MEGF10: variants seen among roughly 807,000 people sequenced by gnomAD.
The protein encoded by MEGF10 is multiple epidermal growth factor-like domains protein 10.
Under a neutral mutation model 147.5 loss-of-function variants are expected in MEGF10, and 86 were observed. The ratio of observed to expected loss-of-function variants is 0.58; its 90% CI spans 0.49 to 0.70. The LOEUF (loss-of-function observed/expected upper bound fraction) is 0.70. MEGF10 is among the 30% of genes least tolerant of loss of function. The pLI is 0.00. For missense variants in MEGF10, 1,329 were observed against 1,487.3 expected (o/e 0.89, Z 1.75); for synonymous variants, 478 against 525.5 (o/e 0.91, Z 1.24).
At chr5:127,389,013 G>A (rs187002342) in intron 5 of MEGF10, among the ~76,000 whole-genome samples, 1 of 152,108 alleles carries the variant, frequency 6.6e-6, no homozygotes, top group African/African-American at 2.4e-5. Context: ...TATTAGATGA[G>A]AAATATAATG....
chr5:127,446,966 A>G (rs941470686), intron 20 of MEGF10, among the ~76,000 whole-genome samples: 1 of 152,144 alleles, frequency 6.6e-6, no homozygotes, highest in Non-Finnish European at 1.5e-5. Flanking sequence ...TCGATTTTAA[A>G]TTTAGGCCTA....
intron 8 of MEGF10, 88 bp downstream of exon 8, chr5:127,402,770 T>A: frequency 7.5e-7 from 1 of 1,329,060 alleles, no homozygotes; most frequent in African/African-American, 1.5e-5. Context: ...CAATACCATG[T>A]GTCCATGACT....
the MEGF10 span, among the ~76,000 whole-genome samples, chr5:127,247,294 G>A: frequency 9.4e-6 from 1 of 106,112 alleles, no homozygotes; most frequent in African/African-American, 3.3e-5. Flanking sequence ...TGGGGGGTGG[G>A]GGAGAGAGAG....
In MEGF10 at chr5:127,413,780, C is replaced by A. The variant is rs141651686; in HGVS notation, c.1130+3179C>A. Among the ~76,000 whole-genome samples the A allele has an allele frequency of 6.6e-5, 10 of 152,300 alleles. No individual in the cohort carries two copies. The East Asian group carries it at 1.9e-3, about 29-fold the overall frequency. On this transcript the variant is annotated intron_variant, in intron 9 of 24. Coordinates refer to ENST00000503335, the MANE Select transcript of MEGF10 (RefSeq NM_001256545.2). ...TCCAAAGTGCTCTAGCTTCCTACAT[C>A]TAATTATAAATTGCAGAATACTAAT...
intron 6 of MEGF10, 122 bp from the exon 7 acceptor site, chr5:127,398,554 A>G: frequency 8.9e-7 from 1 of 1,129,764 alleles, no homozygotes; most frequent in Non-Finnish European, 1.3e-6. Context: ...GATGTTAATT[A>G]ATTAAATGAA....
intron 4 of MEGF10, among the ~76,000 whole-genome samples, chr5:127,357,573 A>G (rs246892): frequency 0.6 from 89,821 of 149,728 alleles, 27,196 homozygotes; most frequent in Middle Eastern, 0.76. Context: ...AGGTGACAGA[A>G]CAAGACCCTG....
At chr5:127,298,846 G>T (rs1219991376) in intron 1 of MEGF10, among the ~76,000 whole-genome samples, 1 of 152,146 alleles carries the variant, frequency 6.6e-6, no homozygotes, top group Non-Finnish European at 1.5e-5. Context: ...GTGCCATTCT[G>T]CTGCGGCCAG....
chr5:127,443,320 A>T (rs1765826566), intron 19 of MEGF10, among the ~76,000 whole-genome samples, 194 bp downstream of exon 19: 1 of 152,244 alleles, frequency 6.6e-6, no homozygotes, highest in African/African-American at 2.4e-5. Context: ...ACAAAAGCTT[A>T]GAGAGGCTGA....
upstream of MEGF10, among the ~76,000 whole-genome samples, chr5:127,290,029 T>A (rs1333421842): frequency 6.6e-6 from 1 of 152,196 alleles, no homozygotes; most frequent in Non-Finnish European, 1.5e-5. Context: ...ATGTCCTGTC[T>A]AACCCACAAA....
At chr5:127,387,986 C>G (rs1763497467) in intron 5 of MEGF10, among the ~76,000 whole-genome samples, 1 of 152,102 alleles carries the variant, frequency 6.6e-6, no homozygotes, top group Non-Finnish European at 1.5e-5. Flanking sequence ...TTATAGCGCT[C>G]TACACTCACA....
chr5:127,443,005 T>C lies in MEGF10; in HGVS notation c.2370T>C (p.Pro790=), dbSNP rs759963222. ...FMGRHCEQKC[P]SGTYGYGCRQ... ...TTGACTTTCCTTCTCTAGAGTGCCCTTCAGGAACATATGGCTATGGCTGTC... is the reference window on the plus strand; with the variant it reads ...TTGACTTTCCTTCTCTAGAGTGCCCCTCAGGAACATATGGCTATGGCTGTC... The change falls in exon 19 of 25, where the codon CCT becomes CCC. Residue 790 remains proline, a synonymous_variant. Transcript: ENST00000503335. The C allele has an allele frequency of 1.2e-6, 2 of 1,612,362 alleles. No homozygotes were observed. The highest frequency in any genetic ancestry group is 2.2e-5 in the South Asian group (2 of 90,686).
intron 1 of MEGF10, among the ~76,000 whole-genome samples, chr5:127,325,459 A>G (rs1760976527): frequency 6.6e-6 from 1 of 152,026 alleles, no homozygotes; most frequent in Non-Finnish European, 1.5e-5. Context: ...GCTGATGATG[A>G]GTGAATTACC....
Position 127,457,328 on chromosome 5 carries a change from A to T in MEGF10, c.*10A>T, listed in dbSNP as rs750101905. The T allele has an allele frequency of 1.9e-5, 30 of 1,610,210 alleles. No individual in the cohort carries two copies. The highest frequency in any genetic ancestry group is 1.6e-4 in the Middle Eastern group (1 of 6,064). On this transcript the variant is annotated 3_prime_UTR_variant, in exon 25 of 25. Transcript: ENST00000503335. ...CAGCAGCAGTGAATGACACCAAAGG[A>T]CCGCTTGGTAGCCACTGGAACCCTT...
intron 4 of MEGF10, among the ~76,000 whole-genome samples, chr5:127,354,686 A>G (rs1762212965): frequency 6.6e-6 from 1 of 152,198 alleles, no homozygotes. Flanking sequence ...ACCTGGCTAA[A>G]GGCTCCTGTT....
intron 1 of MEGF10, among the ~76,000 whole-genome samples, chr5:127,312,604 G>A (rs1050619514): frequency 1.3e-5 from 2 of 152,230 alleles, no homozygotes; most frequent in African/African-American, 4.8e-5. Context: ...ATGCCTCAGA[G>A]GGAAGGTTGG....
intron 14 of MEGF10, 96 bp downstream of exon 14, chr5:127,433,605 G>A: frequency 6.9e-7 from 1 of 1,439,074 alleles, no homozygotes; most frequent in Non-Finnish European, 9.4e-7. Flanking sequence ...TTATAGTGAT[G>A]TCCTGTTGCA....
At chr5:127,239,150 A>C in the MEGF10 span, among the ~76,000 whole-genome samples, 3 of 152,046 alleles carry the variant, frequency 2.0e-5, no homozygotes, top group Non-Finnish European at 4.4e-5. Context: ...ACGCTGAGGA[A>C]CGCTTGAGAT....
chr5:127,371,261 C>A (rs1308087328), intron 5 of MEGF10, among the ~76,000 whole-genome samples: 2 of 147,688 alleles, frequency 1.4e-5, no homozygotes, highest in Non-Finnish European at 3.0e-5. Context: ...CTGCCCCTGA[C>A]AGGCTTCTCA....
chr5:127,439,787 C>T (rs1391378485), intron 17 of MEGF10, among the ~76,000 whole-genome samples: 1 of 152,106 alleles, frequency 6.6e-6, no homozygotes, highest in Non-Finnish European at 1.5e-5. Context: ...GTACTTGGGG[C>T]TTAGTTCCTG....
Sources: gnomAD v4.1 joint callset for allele counts (sites outside exome capture counted in the v4.1 genomes callset) on GRCh38, gnomAD v4.1.1 for gene constraint, MANE v1.5 for transcripts, NCBI Gene and HGNC (gene_info 2026-07-23, HGNC 2026-07-21) for gene names.